Variants in FHIT observed in about 807,000 individuals in gnomAD.
The protein encoded by FHIT is fragile histidine triad diadenosine triphosphatase, also known as bis(5'-adenosyl)-triphosphatase.
A neutral mutation model predicts 17.9 loss-of-function variants in FHIT; 19 were observed. That is an observed-to-expected ratio of 1.06 (90% CI 0.74 to 1.56). The LOEUF (loss-of-function observed/expected upper bound fraction) is 1.56, where lower values mean the gene tolerates loss of function less well. Ranked by LOEUF, FHIT falls within the 40% of genes most tolerant of loss-of-function variation. The pLI, the probability that FHIT is intolerant of heterozygous loss-of-function variation, is 0.00. For missense variants in FHIT, 248 were observed against 189.2 expected, an observed-to-expected ratio of 1.31 and a Z score of -1.82; for synonymous variants, 81 against 69.7, an observed-to-expected ratio of 1.16 and a Z score of -0.81.
At chr3:60,244,387 T>A (rs1440417946) in intron 5 of FHIT, among the ~76,000 whole-genome samples, 1 of 152,072 alleles carries the variant, frequency 6.6e-6, no homozygotes, top group African/African-American at 2.4e-5. Flanking sequence ...TCCCAGGATC[T>A]ATAATTTCTC....
At chr3:60,788,634 A>G (rs1361414829) in intron 4 of FHIT, among the ~76,000 whole-genome samples, 1 of 152,172 alleles carries the variant, frequency 6.6e-6, no homozygotes, top group Non-Finnish European at 1.5e-5. Flanking sequence ...GCCCTGTGCT[A>G]TGCATCTCCA....
intron 5 of FHIT, among the ~76,000 whole-genome samples, chr3:60,520,754 C>T (rs2035327198): frequency 6.6e-6 from 1 of 152,040 alleles, no homozygotes; most frequent in African/African-American, 2.4e-5. Context: ...GAGTAACTCC[C>T]ATTATGGTTA....
intron 1 of FHIT, among the ~76,000 whole-genome samples, chr3:61,204,497 C>A (rs1367281684): frequency 6.6e-6 from 1 of 152,056 alleles, no homozygotes; most frequent in East Asian, 1.9e-4. Flanking sequence ...GCAATCGATT[C>A]TCTATACAAC....
At chr3:60,081,543 T>C (rs945866311) in intron 5 of FHIT, among the ~76,000 whole-genome samples, 1 of 152,140 alleles carries the variant, frequency 6.6e-6, no homozygotes, top group African/African-American at 2.4e-5. Context: ...TAATCATTCA[T>C]ATCCTGATTG....
intron 5 of FHIT, among the ~76,000 whole-genome samples, chr3:60,364,631 C>T (rs1319338904): frequency 6.6e-6 from 1 of 152,186 alleles, no homozygotes; most frequent in Non-Finnish European, 1.5e-5. Context: ...CATGCTGGTT[C>T]ATTCTATGTG....
chr3:60,780,121 C>T (rs1050894792), intron 4 of FHIT, among the ~76,000 whole-genome samples: 3 of 152,190 alleles, frequency 2.0e-5, no homozygotes, highest in African/African-American at 7.2e-5. Flanking sequence ...GAAAAGGGAA[C>T]CAGGTATGCC....
At chr3:60,066,675 G>C (rs78223161) in intron 5 of FHIT, among the ~76,000 whole-genome samples, 1 of 33,230 alleles carries the variant, frequency 3.0e-5, no homozygotes, top group African/African-American at 8.0e-5. Flanking sequence ...TTTTTTTTTT[G>C]AGATGGAGTC....
intron 2 of FHIT, among the ~76,000 whole-genome samples, chr3:61,179,644 G>C (rs1186467579): frequency 1.4e-5 from 2 of 146,978 alleles, no homozygotes; most frequent in Admixed American, 6.9e-5. Context: ...GGAAGTCAAG[G>C]CTGCTGTGAG....
At chr3:60,089,149 T>C (rs186168492) in intron 5 of FHIT, among the ~76,000 whole-genome samples, 1 of 152,276 alleles carries the variant, frequency 6.6e-6, no homozygotes, top group East Asian at 1.9e-4. Flanking sequence ...CCACAGGAGA[T>C]GATTTTGGAT....
chr3:60,292,965 T>C (rs866488493), intron 5 of FHIT, among the ~76,000 whole-genome samples: 3 of 152,168 alleles, frequency 2.0e-5, no homozygotes, highest in Admixed American at 6.6e-5. Context: ...AACTATTGAA[T>C]TGAAACATTA....
intron 3 of FHIT, among the ~76,000 whole-genome samples, chr3:60,887,227 G>A (rs1261727525): frequency 2.0e-4 from 30 of 152,070 alleles, no homozygotes; most frequent in Admixed American, 1.8e-3. Context: ...GACTTCTTCC[G>A]ATCCCTATTT....
intron 8 of FHIT, among the ~76,000 whole-genome samples, chr3:59,897,077 C>T (rs751373596): frequency 2.6e-5 from 4 of 152,080 alleles, no homozygotes; most frequent in Non-Finnish European, 5.9e-5. Context: ...CTTATCACTC[C>T]AACAACATCC....
chr3:60,804,318 C>G (rs1268134252), intron 4 of FHIT, among the ~76,000 whole-genome samples: 2 of 152,180 alleles, frequency 1.3e-5, no homozygotes, highest in African/African-American at 4.8e-5. Context: ...TGCCTACTAT[C>G]TTGAAACTCC....
chr3:60,746,477 T>G (rs1254434683), intron 4 of FHIT, among the ~76,000 whole-genome samples: 1 of 152,206 alleles, frequency 6.6e-6, no homozygotes, highest in Non-Finnish European at 1.5e-5. Context: ...CACACAATGC[T>G]TCATTCATTC....
rs1469145612 is a variant in FHIT, at chr3:59,874,350, A to G, written c.348+47996T>C. 2.0e-5 allele frequency among the ~76,000 whole-genome samples: 3 copies of G among 152,194 alleles called. No homozygotes were observed. In the East Asian group the frequency reaches 5.8e-4, roughly 29 times the overall value. On this transcript the variant is annotated intron_variant, in intron 8 of 9. Transcript: ENST00000492590. ...AAAAGTTCAAAAAAGTTAAAAATTGATCCATAATTTCGACTAGCATGGTAG... is the reference window on the plus strand; with the variant it reads ...AAAAGTTCAAAAAAGTTAAAAATTGGTCCATAATTTCGACTAGCATGGTAG...
At chr3:59,762,571 C>A (rs552402378) in intron 8 of FHIT, among the ~76,000 whole-genome samples, 2 of 152,252 alleles carry the variant, frequency 1.3e-5, no homozygotes, top group African/African-American at 4.8e-5. Flanking sequence ...AACAAATTTG[C>A]TGTATGTCTA....
intron 3 of FHIT, among the ~76,000 whole-genome samples, chr3:60,927,700 C>T (rs1193655435): frequency 6.6e-6 from 1 of 151,948 alleles, no homozygotes; most frequent in Admixed American, 6.6e-5. Flanking sequence ...GGGAGCACCC[C>T]CGCCCGGCAG....
intron 3 of FHIT, among the ~76,000 whole-genome samples, chr3:60,846,748 A>T (rs1702938801): frequency 6.6e-6 from 1 of 152,208 alleles, no homozygotes. Flanking sequence ...CCACTGTTTT[A>T]ATATTCACAT....
At chr3:59,765,641 G>A (rs933213118) in intron 8 of FHIT, among the ~76,000 whole-genome samples, 15 of 152,258 alleles carry the variant, frequency 9.9e-5, no homozygotes, top group African/African-American at 3.1e-4. Flanking sequence ...CTGGCATTGC[G>A]GTTGAGAAGA....
Sources: allele counts gnomAD v4.1 joint callset (sites outside exome capture counted in the v4.1 genomes callset), GRCh38; gene constraint gnomAD v4.1.1; transcripts MANE v1.5; gene names NCBI Gene and HGNC (gene_info 2026-07-23, HGNC 2026-07-21).